The following CSMD1 variants were observed in gnomAD, a reference collection of about 807,000 sequenced individuals.
The protein encoded by CSMD1 is CUB and Sushi multiple domains 1, also known as CUB and sushi domain-containing protein 1.
CSMD1 carries 213 observed loss-of-function variants against 417.5 expected under a neutral mutation model. The ratio of observed to expected loss-of-function variants is 0.51; its 90% CI spans 0.46 to 0.57. The LOEUF is 0.57. CSMD1 is among the 20% of genes least tolerant of loss of function. The pLI is 0.00. For synonymous variants in CSMD1, 2,862 were observed against 1,736.8 expected, an observed-to-expected ratio of 1.65 and a Z score of -16.11; for missense variants, 6,923 against 4,529.7, an observed-to-expected ratio of 1.53 and a Z score of -15.17.
chr8:4,984,764 G>A (rs966087184), intron 1 of CSMD1, among the ~76,000 whole-genome samples: 15 of 152,172 alleles, frequency 9.9e-5, no homozygotes, highest in African/African-American at 2.9e-4. Context: ...ACAGCAGAAG[G>A]AAAAACCCCC....
chr8:4,754,772 C>A (rs553759356), intron 1 of CSMD1, among the ~76,000 whole-genome samples: 51 of 152,060 alleles, frequency 3.4e-4, no homozygotes, highest in Middle Eastern at 3.4e-3. Flanking sequence ...TCGTTTGAAC[C>A]CAGGAAGCAG....
At chr8:3,371,105 C>G (rs957122286) in intron 18 of CSMD1, among the ~76,000 whole-genome samples, 2 of 152,198 alleles carry the variant, frequency 1.3e-5, no homozygotes, top group African/African-American at 4.8e-5. Context: ...CTTCAGCTCC[C>G]CTGGTTCCCA....
At chr8:3,072,114 G>T (rs576515279) in intron 49 of CSMD1, among the ~76,000 whole-genome samples, 2 of 152,206 alleles carry the variant, frequency 1.3e-5, no homozygotes, top group African/African-American at 4.8e-5. Flanking sequence ...TCAAGAGTAA[G>T]AGTGAATGGC....
chr8:3,990,143 T>C (rs539095006), intron 5 of CSMD1, among the ~76,000 whole-genome samples: 233 of 152,312 alleles, frequency 1.5e-3, no homozygotes, highest in African/African-American at 5.4e-3. Context: ...TAATTTAGTT[T>C]TACTTTTTTA....
chr8:4,668,606 C>T (rs748891496), intron 1 of CSMD1, among the ~76,000 whole-genome samples: 52 of 151,798 alleles, frequency 3.4e-4, no homozygotes, highest in Non-Finnish European at 6.2e-4. Flanking sequence ...TCCGCCACCA[C>T]GCCTGGCTAA....
At chr8:4,899,139 G>C (rs896846011) in intron 1 of CSMD1, among the ~76,000 whole-genome samples, 1 of 152,096 alleles carries the variant, frequency 6.6e-6, no homozygotes, top group Non-Finnish European at 1.5e-5. Context: ...CGTATCAATA[G>C]GCAAATTGAG....
chr8:3,221,688 G>A (rs1334487251), intron 28 of CSMD1, among the ~76,000 whole-genome samples: 4 of 151,728 alleles, frequency 2.6e-5, no homozygotes, highest in Admixed American at 6.6e-5. Context: ...TCTGCCAGCT[G>A]CACGTATCTC....
rs547963376 is a variant in CSMD1 at position 4,458,058 on chromosome 8, G to C, written c.303-37993C>G. 1.1e-4 allele frequency among the ~76,000 whole-genome samples: 17 copies of C among 152,072 alleles called. No individual in the cohort carries two copies. In the South Asian group the frequency reaches 3.5e-3, roughly 32 times the overall value. On this transcript the variant is annotated intron_variant, in intron 2 of 69. Coordinates refer to ENST00000635120, the MANE Select transcript of CSMD1 (RefSeq NM_033225.6). ...TCTTTAAAATTCCTTTTACCCCTGA[G>C]GTACACAATCCTTCATGTTTTTAAC... is the stretch of plus-strand genomic sequence containing the variant.
intron 7 of CSMD1, among the ~76,000 whole-genome samples, chr8:3,626,157 G>C (rs954216561): frequency 2.0e-5 from 3 of 152,188 alleles, no homozygotes; most frequent in East Asian, 1.9e-4. Context: ...GCACCAAAGA[G>C]CGACGTCTCT....
At chr8:3,493,113 G>A (rs1472392530) in intron 11 of CSMD1, among the ~76,000 whole-genome samples, 1 of 151,958 alleles carries the variant, frequency 6.6e-6, no homozygotes, top group Non-Finnish European at 1.5e-5. Flanking sequence ...GGCCAACATG[G>A]CAAACGCCTG....
intron 5 of CSMD1, among the ~76,000 whole-genome samples, chr8:3,957,057 G>C (rs2048953969): frequency 6.6e-6 from 1 of 151,596 alleles, no homozygotes; most frequent in South Asian, 2.1e-4. Context: ...AATAACGTAG[G>C]AGACAAAAAC....
chr8:3,923,956 G>C (rs193158772), intron 5 of CSMD1, among the ~76,000 whole-genome samples: 23 of 152,264 alleles, frequency 1.5e-4, no homozygotes, highest in African/African-American at 3.1e-4. Flanking sequence ...TACAGTATTA[G>C]AATATTCTGA....
At chr8:3,137,107 A>T (rs987317672) in intron 41 of CSMD1, among the ~76,000 whole-genome samples, 4 of 152,102 alleles carry the variant, frequency 2.6e-5, no homozygotes, top group African/African-American at 9.7e-5. Flanking sequence ...TGTGGGGGGA[A>T]TGTTCAATAT....
At chr8:4,254,777 C>A (rs62478859) in intron 3 of CSMD1, among the ~76,000 whole-genome samples, 3 of 152,156 alleles carry the variant, frequency 2.0e-5, no homozygotes, top group Non-Finnish European at 4.4e-5. Context: ...TGCCTACAGT[C>A]TGCAGGACCC....
At chr8:3,565,920 G>C (rs149132707) in intron 10 of CSMD1, among the ~76,000 whole-genome samples, 393 of 151,524 alleles carry the variant, frequency 2.6e-3, no homozygotes, top group Non-Finnish European at 3.7e-3. Flanking sequence ...TTCCAGTTTT[G>C]TGCCATCCGT....
intron 1 of CSMD1, among the ~76,000 whole-genome samples, chr8:4,673,535 G>C (rs921698861): frequency 6.6e-6 from 1 of 152,146 alleles, no homozygotes; most frequent in African/African-American, 2.4e-5. Flanking sequence ...ACAGCTCTCA[G>C]TTAGTTCCCC....
At chr8:3,578,646 T>C (rs1289595000) in intron 9 of CSMD1, among the ~76,000 whole-genome samples, 2 of 152,192 alleles carry the variant, frequency 1.3e-5, no homozygotes, top group African/African-American at 4.8e-5. Flanking sequence ...GCCTCTCTCT[T>C]CACTCATGGA....
intron 7 of CSMD1, among the ~76,000 whole-genome samples, chr8:3,650,486 T>G (rs1797797723): frequency 6.6e-6 from 1 of 152,126 alleles, no homozygotes; most frequent in Non-Finnish European, 1.5e-5. Context: ...AAATTAAGCT[T>G]AGCTGGTGGG....
chr8:3,947,428 C>T (rs1354757401), intron 5 of CSMD1, among the ~76,000 whole-genome samples: 1 of 152,138 alleles, frequency 6.6e-6, no homozygotes, highest in Non-Finnish European at 1.5e-5. Context: ...GATCTTATTT[C>T]ACAACATTTT....
Sources: gnomAD v4.1 joint callset for allele counts (sites outside exome capture counted in the v4.1 genomes callset) on GRCh38, gnomAD v4.1.1 for gene constraint, MANE v1.5 for transcripts, NCBI Gene and HGNC (gene_info 2026-07-23, HGNC 2026-07-21) for gene names.